The following SMYD3 variants were observed in gnomAD, a reference collection of about 807,000 sequenced individuals.
SMYD3 encodes SET and MYND domain containing 3, also known as histone-lysine N-methyltransferase SMYD3.
SMYD3 carries 36 observed loss-of-function variants against 57.7 expected under a neutral mutation model. The ratio of observed to expected loss-of-function variants is 0.62; its 90% confidence interval spans 0.48 to 0.82. The LOEUF (loss-of-function observed/expected upper bound fraction) is 0.82, where lower values mean the gene tolerates loss of function less well. Among genes scored for constraint, SMYD3 ranks in the 40% least tolerant of loss-of-function variants. The pLI, the probability that SMYD3 is intolerant of heterozygous loss-of-function variation, is 0.00. For synonymous variants in SMYD3, 211 were observed against 195.0 expected (o/e 1.08, Z -0.68); for missense variants, 515 against 538.8 (o/e 0.96, Z 0.44).
chr1:246,239,108 TA>T (rs1343395894), intron 5 of SMYD3, among the ~76,000 whole-genome samples: 2 of 152,130 alleles, frequency 1.3e-5, no homozygotes, highest in African/African-American at 4.8e-5. Context: ...TATGATTTTT[TA>T]AATTATACTT....
At chr1:246,086,389 G>C (rs541059152) in intron 5 of SMYD3, among the ~76,000 whole-genome samples, 9 of 152,274 alleles carry the variant, frequency 5.9e-5, no homozygotes, top group African/African-American at 2.2e-4. Flanking sequence ...CTGTGCATGA[G>C]TCAGTCTGAG....
At chr1:246,173,123 TA>T (rs1423457096) in intron 5 of SMYD3, among the ~76,000 whole-genome samples, 1 of 147,584 alleles carries the variant, frequency 6.8e-6, no homozygotes, top group Non-Finnish European at 1.5e-5. Context: ...ACACTTAGGC[TA>T]CACAGGCCTA....
chr1:246,013,976 A>G (rs2059331172), intron 5 of SMYD3, among the ~76,000 whole-genome samples: 1 of 152,238 alleles, frequency 6.6e-6, no homozygotes, highest in African/African-American at 2.4e-5. Flanking sequence ...TACATCACCT[A>G]GAGTTCAGAG....
chr1:246,480,528 AC>A (rs1218618994), intron 1 of SMYD3, among the ~76,000 whole-genome samples: 1 of 152,184 alleles, frequency 6.6e-6, no homozygotes, highest in Non-Finnish European at 1.5e-5. Flanking sequence ...AGATTAACAA[AC>A]ACCTCTCTAT....
Position 245,850,581 on chromosome 1 carries a change from C to G in SMYD3, c.1076+7915G>C, listed in dbSNP as rs145299935. Among the ~76,000 whole-genome samples, 495 of 152,070 alleles carry G rather than the reference C, an allele frequency of 3.3e-3. 1 individual carries two copies. The highest frequency in any genetic ancestry group is 0.012 in the South Asian group (58 of 4,794). On this transcript the variant is annotated intron_variant, in intron 10 of 11. Transcript: ENST00000490107. ...TGTCAGGGTGTGTGCCTGTGGTCCC[C>G]CCTCATCTACTCGAGAGGCTGAGGT...
intron 10 of SMYD3, among the ~76,000 whole-genome samples, chr1:245,825,073 C>T (rs1356749428): frequency 2.6e-5 from 4 of 152,038 alleles, no homozygotes; most frequent in Admixed American, 6.6e-5. Flanking sequence ...GTAAACTCGC[C>T]AAGAGCTCAG....
chr1:245,909,901 A>T (rs1202682574), intron 8 of SMYD3, among the ~76,000 whole-genome samples: 1 of 152,170 alleles, frequency 6.6e-6, no homozygotes, highest in East Asian at 1.9e-4. Context: ...TACCACGTGG[A>T]ACAAGACAAA....
At chr1:246,256,855 T>C (rs1364989296) in intron 5 of SMYD3, among the ~76,000 whole-genome samples, 2 of 152,196 alleles carry the variant, frequency 1.3e-5, no homozygotes, top group Non-Finnish European at 2.9e-5. Context: ...CCAGAGGTTT[T>C]GGTACCTGTG....
chr1:245,979,658 T>C (rs1463832122), intron 5 of SMYD3, among the ~76,000 whole-genome samples: 2 of 152,112 alleles, frequency 1.3e-5, no homozygotes, highest in African/African-American at 4.8e-5. Flanking sequence ...TTTCAGACCT[T>C]TACCCTCAGA....
rs187851848 is a variant in SMYD3, at chr1:246,468,237, T to C, written c.164+38817A>G. ...GGACGCAAAGATGGTTTAACATAAG[T>C]AAATCAGTAAACATGATACATCACA... is the stretch of plus-strand genomic sequence containing the variant. On this transcript the variant is annotated intron_variant, in intron 1 of 11. Transcript: ENST00000490107. Among the ~76,000 whole-genome samples the C allele has an allele frequency of 1.1e-4, 17 of 151,244 alleles. No homozygotes were observed. The East Asian group carries it at 3.1e-3, about 28-fold the overall frequency.
At chr1:246,406,093 AT>A (rs529374213) in intron 1 of SMYD3, among the ~76,000 whole-genome samples, 4,315 of 145,162 alleles carry the variant, frequency 0.03, 103 homozygotes, top group Non-Finnish European at 0.044. Flanking sequence ...TTAAAATGGG[AT>A]TTTTTTTTTT....
chr1:246,452,129 A>G (rs1172733683), intron 1 of SMYD3, among the ~76,000 whole-genome samples: 3 of 152,360 alleles, frequency 2.0e-5, no homozygotes, highest in Admixed American at 2.0e-4. Context: ...AAATATAGAA[A>G]AAGGAAGGAA....
At chr1:246,346,005 C>T (rs1021201029) in intron 2 of SMYD3, among the ~76,000 whole-genome samples, 7 of 152,176 alleles carry the variant, frequency 4.6e-5, no homozygotes, top group Admixed American at 2.6e-4. Flanking sequence ...ATAGAACTGG[C>T]CGGGCACAGT....
chr1:246,346,402 G>C (rs888771328), intron 2 of SMYD3, among the ~76,000 whole-genome samples: 1 of 152,080 alleles, frequency 6.6e-6, no homozygotes, highest in African/African-American at 2.4e-5. Context: ...TAGCTATCAA[G>C]AAAAAACTAT....
chr1:245,894,000 T>C (rs1208489901), intron 8 of SMYD3, among the ~76,000 whole-genome samples: 2 of 152,158 alleles, frequency 1.3e-5, no homozygotes, highest in Admixed American at 6.5e-5. Context: ...AACTTTGATA[T>C]GGTTGTAGAG....
At chr1:246,119,993 GA>G (rs1464362497) in intron 5 of SMYD3, among the ~76,000 whole-genome samples, 1 of 152,204 alleles carries the variant, frequency 6.6e-6, no homozygotes, top group Non-Finnish European at 1.5e-5. Flanking sequence ...AAGACCCAAA[GA>G]AGCAGGGAAA....
At chr1:246,173,649 C>T (rs1283325186) in intron 5 of SMYD3, among the ~76,000 whole-genome samples, 2 of 152,068 alleles carry the variant, frequency 1.3e-5, no homozygotes, top group East Asian at 3.8e-4. Context: ...TACACAGGGT[C>T]GGGGTCATGA....
chr1:246,438,099 C>T (rs2067407537), intron 1 of SMYD3, among the ~76,000 whole-genome samples: 1 of 152,138 alleles, frequency 6.6e-6, no homozygotes, highest in African/African-American at 2.4e-5. Flanking sequence ...TCTACTGCAG[C>T]TCATTGATCT....
intron 5 of SMYD3, among the ~76,000 whole-genome samples, chr1:246,183,555 A>G: frequency 6.6e-6 from 1 of 152,084 alleles, no homozygotes; most frequent in East Asian, 1.9e-4. Context: ...ATAAATAAAA[A>G]TCCTGACTAG....
Sources: gnomAD v4.1 joint callset for allele counts (sites outside exome capture counted in the v4.1 genomes callset) on GRCh38, gnomAD v4.1.1 for gene constraint, MANE v1.5 for transcripts, NCBI Gene and HGNC (gene_info 2026-07-23, HGNC 2026-07-21) for gene names.